Variants in JAK1 observed in about 807,000 individuals in gnomAD.
JAK1 encodes tyrosine-protein kinase JAK1.
Under a neutral mutation model 136.6 loss-of-function variants are expected in JAK1, and 16 were observed. The ratio of observed to expected loss-of-function variants is 0.12; its 90% CI spans 0.08 to 0.18. The LOEUF is 0.18. Ranked by LOEUF, JAK1 falls within the 10% of genes least tolerant of loss-of-function variation. The pLI is 1.00. For synonymous variants in JAK1, 492 were observed against 519.5 expected, an observed-to-expected ratio of 0.95 and a Z score of 0.72; for missense variants, 859 against 1,450.1, an observed-to-expected ratio of 0.59 and a Z score of 6.62.
intron 10 of JAK1, among the ~76,000 whole-genome samples, chr1:64,856,924 G>A (rs1286672261): frequency 1.3e-5 from 2 of 152,210 alleles, no homozygotes. Context: ...TGCATGTGGA[G>A]CCTAACCAGT....
rs1656926175 is a variant in JAK1, at chr1:64,869,335, A to G, written c.623T>C (p.Leu208Ser). The G allele has an allele frequency of 1.2e-6, 2 of 1,613,998 alleles. No individual in the cohort carries two copies. The highest frequency in any genetic ancestry group is 1.7e-6 in the Non-Finnish European group (2 of 1,180,014). ...SHYAMMKKMQ[L>S]PELPKDISYK... is the part of the protein sequence containing the mutation. ...CCTGATGTCCTTGGGCAGTTCTGGC[A>G]ACTGCATCTTCTTCATCATGGCATA... Residue 208 changes from leucine to serine, a missense_variant, in exon 6 of 25, where the codon TTG becomes TCG. This residue lies in a region of JAK1 where 353 missense variants were observed against 494.0 expected (regional missense o/e 0.71). Transcript: ENST00000342505.
At position 65,066,440 on chromosome 1, in the gene JAK1, G is replaced by A. The variant is rs563850404; in HGVS notation, c.-181+1164C>T. On this transcript the variant is annotated intron_variant, in intron 1 of 25. Coordinates refer to the JAK1 transcript ENST00000671954. ...TAAACAGGTGAGCCCGGGGAGAAGC[G>A]GGAAAACACTGGGAATGGGAGAATG... Among the ~76,000 whole-genome samples the A allele has an allele frequency of 2.1e-3, 319 of 152,286 alleles. 1 individual carries two copies. The highest frequency in any genetic ancestry group is 3.4e-3 in the Non-Finnish European group (228 of 68,012).
chr1:65,045,753 T>G (rs1177347718), intron 1 of JAK1, among the ~76,000 whole-genome samples: 4 of 152,186 alleles, frequency 2.6e-5, no homozygotes, highest in Non-Finnish European at 5.9e-5. Flanking sequence ...ATGTCATCAC[T>G]CCTTTAAAAT....
At chr1:64,869,502 A>G (rs759906403) in intron 5 of JAK1, 28 bp from the exon 6 acceptor site, 2 of 1,603,658 alleles carry the variant, frequency 1.2e-6, no homozygotes, top group Admixed American at 1.7e-5. Context: ...AAACCATGAG[A>G]GCCCACCCGT....
chr1:64,851,456 CG>C (rs1170207785), intron 11 of JAK1, among the ~76,000 whole-genome samples: 1 of 152,174 alleles, frequency 6.6e-6, no homozygotes, highest in Non-Finnish European at 1.5e-5. Flanking sequence ...GGTGAACAAA[CG>C]CTGGTTTTGA....
At chr1:65,030,049 G>T (rs915713204) in intron 2 of JAK1, among the ~76,000 whole-genome samples, 1 of 152,184 alleles carries the variant, frequency 6.6e-6, no homozygotes, top group Admixed American at 6.5e-5. Flanking sequence ...GGTATTAGGA[G>T]GTGAGGCTTT....
intron 1 of JAK1, among the ~76,000 whole-genome samples, chr1:64,932,765 T>C (rs1005301309): frequency 1.3e-5 from 2 of 152,112 alleles, no homozygotes; most frequent in African/African-American, 4.8e-5. Flanking sequence ...CATCAAATAA[T>C]TGAGAGGGCA....
intron 5 of JAK1, 66 bp downstream of exon 5, chr1:64,873,304 G>T (rs1657186843): frequency 6.3e-7 from 1 of 1,585,842 alleles, no homozygotes; most frequent in African/African-American, 1.3e-5. Context: ...GCAGCAGGGG[G>T]TCTGAGCTCT....
chr1:65,061,589 C>T (rs892286972), intron 1 of JAK1, among the ~76,000 whole-genome samples: 15 of 151,882 alleles, frequency 9.9e-5, no homozygotes, highest in East Asian at 1.9e-4. Context: ...TATTTAAATC[C>T]ACTGGTCTTT....
chr1:64,878,913 A>C (rs1644724811), intron 4 of JAK1, 112 bp downstream of exon 4: 1 of 1,047,890 alleles, frequency 9.5e-7, no homozygotes, highest in Non-Finnish European at 1.3e-6. Flanking sequence ...AAAAGTTACA[A>C]ATTACAAAAA....
chr1:64,867,267 T>A, intron 6 of JAK1, 59 bp from the exon 7 acceptor site: 1 of 1,275,632 alleles, frequency 7.8e-7, no homozygotes, highest in Non-Finnish European at 1.1e-6. Flanking sequence ...GAAAATAGTT[T>A]AGAAACAAAT....
intron 1 of JAK1, among the ~76,000 whole-genome samples, chr1:64,947,160 A>C (rs1016832750): frequency 6.6e-6 from 1 of 152,224 alleles, no homozygotes; most frequent in Admixed American, 6.5e-5. Flanking sequence ...AATGTACTTA[A>C]CACTACTGAA....
intron 1 of JAK1, among the ~76,000 whole-genome samples, chr1:64,907,238 T>C (rs556415631): frequency 5.9e-5 from 9 of 152,198 alleles, no homozygotes; most frequent in Admixed American, 5.9e-4. Flanking sequence ...ATACGTTCTA[T>C]CTAAATATAC....
At chr1:65,014,528 G>C (rs1344788336) in intron 2 of JAK1, among the ~76,000 whole-genome samples, 1 of 151,968 alleles carries the variant, frequency 6.6e-6, no homozygotes, top group East Asian at 1.9e-4. Flanking sequence ...AACATCAAAG[G>C]AAAAAATTTG....
chr1:64,843,975 C>T lies in JAK1; in HGVS notation c.2403+89G>A, dbSNP rs1655066185. 4.1e-6 allele frequency: 6 copies of T among 1,480,556 alleles called. No individual in the cohort carries two copies. In the African/African-American group the frequency reaches 8.3e-5, roughly 20 times the overall value. The allele number at this position is 1,480,556 out of a possible 1,614,324, so 91.7% of individuals were successfully genotyped here. ...ATTCAAACCCATGCCCATCTCTTCC[C>T]ACAGTGCCAGGCTTCCGACAACTCC... On this transcript the variant is annotated intron_variant, in intron 17 of 24. Coordinates refer to ENST00000342505, the MANE Select transcript of JAK1 (RefSeq NM_002227.4).
intron 1 of JAK1, among the ~76,000 whole-genome samples, chr1:64,894,302 T>C (rs1383357576): frequency 2.0e-5 from 3 of 152,180 alleles, no homozygotes; most frequent in Admixed American, 1.3e-4. Flanking sequence ...CCCTCAGTTA[T>C]GTGTCTGCAC....
intron 2 of JAK1, among the ~76,000 whole-genome samples, chr1:65,019,947 A>G (rs1646923437): frequency 1.3e-5 from 2 of 150,784 alleles, no homozygotes; most frequent in African/African-American, 2.4e-5. Flanking sequence ...AGAAGAAGGC[A>G]GAGCGTGGTG....
intron 6 of JAK1, among the ~76,000 whole-genome samples, chr1:64,868,579 G>A (rs771882811): frequency 2.0e-5 from 3 of 152,158 alleles, no homozygotes; most frequent in Non-Finnish European, 2.9e-5. Flanking sequence ...TCACTGAGGA[G>A]CAAGCTGTGA....
intron 20 of JAK1, among the ~76,000 whole-genome samples, chr1:64,839,145 C>CAAAAAA (rs56058898): frequency 1.7e-5 from 1 of 59,868 alleles, no homozygotes; most frequent in Admixed American, 1.8e-4. Context: ...GACTCCGTCT[C>CAAAAAA]AAAAAAAAAA....
Sources: allele counts gnomAD v4.1 joint callset (sites outside exome capture counted in the v4.1 genomes callset), GRCh38; gene constraint gnomAD v4.1.1; regional missense constraint gnomAD v4.1.1; transcripts MANE v1.5; gene names NCBI Gene and HGNC (gene_info 2026-07-23, HGNC 2026-07-21).